CHRM5: variants seen among roughly 807,000 people sequenced by gnomAD.
CHRM5 encodes cholinergic receptor muscarinic 5.
CHRM5 carries 18 observed loss-of-function variants against 39.0 expected under a neutral mutation model. The ratio of observed to expected loss-of-function variants is 0.46; its 90% CI spans 0.32 to 0.68. CHRM5 has a LOEUF of 0.68. Ranked by LOEUF, CHRM5 falls within the 30% of genes least tolerant of loss-of-function variation. The pLI is 0.04. For missense variants in CHRM5, 515 were observed against 651.1 expected (o/e 0.79, Z 2.28); for synonymous variants, 241 against 246.3 (o/e 0.98, Z 0.20).
chr15:34,005,943 C>T (rs1043011664), intron 1 of CHRM5, among the ~76,000 whole-genome samples: 7 of 152,090 alleles, frequency 4.6e-5, no homozygotes, highest in African/African-American at 1.7e-4. Flanking sequence ...TTTCTCAGAA[C>T]CAAAAGATGC....
intron 1 of CHRM5, chr15:34,038,769 T>C (rs1899297452): frequency 8.6e-7 from 1 of 1,167,144 alleles, no homozygotes; most frequent in Non-Finnish European, 1.1e-6. Flanking sequence ...CCACCAGCCG[T>C]CGCCTCTTAC....
chr15:34,011,725 C>A (rs777512459), intron 1 of CHRM5, among the ~76,000 whole-genome samples: 10 of 152,284 alleles, frequency 6.6e-5, no homozygotes, highest in Non-Finnish European at 1.2e-4. Context: ...CTCTCTCTTT[C>A]CCTAAGTCCT....
intron 1 of CHRM5, among the ~76,000 whole-genome samples, chr15:34,005,482 G>A (rs1897303641): frequency 6.6e-6 from 1 of 152,100 alleles, no homozygotes; most frequent in African/African-American, 2.4e-5. Context: ...AAATGTAAGT[G>A]CTCAATGGAG....
chr15:33,979,037 T>C (rs558160), intron 1 of CHRM5, among the ~76,000 whole-genome samples: 123,478 of 152,112 alleles, frequency 0.81, 55,011 homozygotes, highest in Non-Finnish European at 0.98. Flanking sequence ...TCATCCTGTT[T>C]AGAAAGGTTG....
intron 1 of CHRM5, among the ~76,000 whole-genome samples, chr15:34,028,542 G>A (rs969111641): frequency 2.0e-5 from 3 of 152,050 alleles, no homozygotes; most frequent in Non-Finnish European, 2.9e-5. Context: ...CTCCAGCATG[G>A]GTAACAAAGT....
intron 1 of CHRM5, among the ~76,000 whole-genome samples, chr15:34,045,701 T>TAA (rs879353266): frequency 7.2e-6 from 1 of 138,436 alleles, no homozygotes; most frequent in African/African-American, 2.7e-5. Context: ...AAGCTTCTCA[T>TAA]AAAAAAAAAA....
intron 1 of CHRM5, among the ~76,000 whole-genome samples, chr15:34,025,771 T>TG (rs1898436753): frequency 6.6e-6 from 1 of 152,094 alleles, no homozygotes; most frequent in African/African-American, 2.4e-5. Flanking sequence ...TGTGTGTGTG[T>TG]TTGTGTGTGT....
intron 1 of CHRM5, chr15:34,007,124 A>G (rs1170926938): frequency 3.5e-6 from 3 of 845,968 alleles, no homozygotes; most frequent in Non-Finnish European, 2.8e-6. Flanking sequence ...GACCTATTAT[A>G]TAATCAAACT....
intron 2 of CHRM5, among the ~76,000 whole-genome samples, chr15:34,048,328 G>C (rs1968497): frequency 0.14 from 20,456 of 147,252 alleles, 2,353 homozygotes; most frequent in East Asian, 0.36. Context: ...GCCGCCATCT[G>C]TGTGGTTTGG....
At chr15:34,006,279 C>A (rs1315737830) in intron 1 of CHRM5, among the ~76,000 whole-genome samples, 2 of 151,668 alleles carry the variant, frequency 1.3e-5, no homozygotes, top group African/African-American at 2.4e-5. Flanking sequence ...CCATTGCAAT[C>A]CAGCCCGGGC....
At chr15:34,038,721 C>T (rs1567482978) in intron 1 of CHRM5, 39 of 1,125,572 alleles carry the variant, frequency 3.5e-5, no homozygotes, top group Non-Finnish European at 4.1e-5. Context: ...GACTGGCGGC[C>T]TCGGCCCCAC....
chr15:34,062,826 A>G lies in CHRM5; in HGVS notation c.109A>G (p.Thr37Ala), dbSNP rs1900391085. Residue 37 changes from threonine (T) to alanine (A), a missense_variant, in exon 3 of 3, where the codon ACT becomes GCT. Physicochemically the swap from Thr to Ala is moderately conservative, Grantham distance 58 (BLOSUM62 0). Transcript: ENST00000383263. ...GGAAGTCATCACCATTGCAGCTGTG[A>G]CTGCTGTGGTAAGCCTGATCACCAT... is the stretch of plus-strand genomic sequence containing the variant. Reference protein sequence around the residue: ...LWEVITIAAVTAVVSLITIVG... With the variant: ...LWEVITIAAVAAVVSLITIVG... The G allele has an allele frequency of 1.2e-6, 2 of 1,614,074 alleles. No individual in the cohort carries two copies. The highest frequency in any genetic ancestry group is 1.3e-5 in the African/African-American group (1 of 74,928).
intron 2 of CHRM5, among the ~76,000 whole-genome samples, chr15:34,048,906 A>T (rs1222836026): frequency 6.6e-6 from 1 of 152,216 alleles, no homozygotes; most frequent in Non-Finnish European, 1.5e-5. Context: ...CAGGTATGAG[A>T]ACAACCGAGG....
rs553324117 is a variant in CHRM5 at position 34,020,321 on chromosome 15, G to GA, written c.-407-26210dup. On this transcript the variant is annotated intron_variant, in intron 1 of 2. Transcript: ENST00000383263. The stretch of plus-strand genomic sequence containing the variant: ...GCGAGACTCCATCTCAAAAAAAAAA[G>GA]AAAAAAAAATAGAGGTTTTAAAAGG... 1.2e-3 allele frequency among the ~76,000 whole-genome samples: 170 copies of GA among 146,656 alleles called. 7 individuals carry two copies. In the South Asian group the frequency reaches 0.031, roughly 27 times the overall value.
At chr15:34,027,437 G>A (rs528375656) in intron 1 of CHRM5, among the ~76,000 whole-genome samples, 77 of 151,474 alleles carry the variant, frequency 5.1e-4, no homozygotes, top group African/African-American at 1.4e-3. Flanking sequence ...GCTGAGGCAG[G>A]AGAATCGCTT....
rs762177909 is a variant in CHRM5, at chr15:34,017,864, GACCATATTT to G, written c.-407-28673_-407-28665del. Among the ~76,000 whole-genome samples, 7 of 152,072 alleles carry G rather than the reference GACCATATTT, an allele frequency of 4.6e-5. No homozygotes were observed. In the South Asian group the frequency reaches 1.0e-3, roughly 23 times the overall value. On this transcript the variant is annotated intron_variant, in intron 1 of 2. Coordinates refer to ENST00000383263, the MANE Select transcript of CHRM5 (RefSeq NM_012125.4). ...CCACATACCATTTTGGTCAACAATG[GACCATATTT>G]ACAACAGTGGTCCCATAAGGTTATA...
chr15:33,999,102 A>C (rs1897046432), intron 1 of CHRM5, among the ~76,000 whole-genome samples: 1 of 152,194 alleles, frequency 6.6e-6, no homozygotes, highest in Non-Finnish European at 1.5e-5. Flanking sequence ...TAGAAGGTTG[A>C]CCAATATGGA....
intron 1 of CHRM5, among the ~76,000 whole-genome samples, chr15:34,017,614 T>A (rs2684957): frequency 0.99 from 150,700 of 151,840 alleles, 74,796 homozygotes; most frequent in Middle Eastern, 1. Context: ...CAAGTAGCTG[T>A]GACTACAGGT....
rs546512885 is a variant in CHRM5, at chr15:34,020,203, C to T, written c.-407-26337C>T. 2.7e-3 allele frequency among the ~76,000 whole-genome samples: 415 copies of T among 151,722 alleles called. 2 individuals are homozygous for T. The highest frequency in any genetic ancestry group is 9.6e-3 in the African/African-American group (395 of 41,352). ...GTGGGTGCCTGTAGTCCCAGCTACTCGGGAGGCTGAGGCAGGAGAATGGCG... is the reference window on the plus strand; with the variant it reads ...GTGGGTGCCTGTAGTCCCAGCTACTTGGGAGGCTGAGGCAGGAGAATGGCG... On this transcript the variant is annotated intron_variant, in intron 1 of 2. Coordinates refer to ENST00000383263, the MANE Select transcript of CHRM5 (RefSeq NM_012125.4).
Sources: gnomAD v4.1 joint callset for allele counts (sites outside exome capture counted in the v4.1 genomes callset) on GRCh38, gnomAD v4.1.1 for gene constraint, MANE v1.5 for transcripts, NCBI Gene and HGNC (gene_info 2026-07-23, HGNC 2026-07-21) for gene names.